GLIS3: variants seen among roughly 807,000 people sequenced by gnomAD.
GLIS3 encodes the protein GLIS family zinc finger 3.
In GLIS3, 53 loss-of-function variants were observed where a neutral mutation model predicts 78.6. The observed-to-expected ratio is 0.67, with a 90% CI of 0.54 to 0.85. The LOEUF (loss-of-function observed/expected upper bound fraction) is 0.85, where lower values mean the gene tolerates loss of function less well. Ranked by LOEUF, GLIS3 falls within the 40% of genes least tolerant of loss-of-function variation. The pLI, the probability that GLIS3 is intolerant of heterozygous loss-of-function variation, is 0.00. For missense variants in GLIS3, 1,703 were observed against 1,231.1 expected (o/e 1.38, Z -5.74); for synonymous variants, 684 against 509.9 (o/e 1.34, Z -4.60).
chr9:4,045,312 G>T (rs1011544651), intron 4 of GLIS3, among the ~76,000 whole-genome samples: 1 of 152,020 alleles, frequency 6.6e-6, no homozygotes, highest in Non-Finnish European at 1.5e-5. Context: ...GGAAGATGAA[G>T]TGTTCTGAAC....
At chr9:3,942,645 G>A (rs774850612) in intron 4 of GLIS3, among the ~76,000 whole-genome samples, 2 of 152,184 alleles carry the variant, frequency 1.3e-5, no homozygotes, top group East Asian at 1.9e-4. Context: ...TTTAGTTCTG[G>A]AAGCTTCTTT....
At chr9:4,175,586 G>A (rs141661744) in intron 2 of GLIS3, among the ~76,000 whole-genome samples, 1 of 152,102 alleles carries the variant, frequency 6.6e-6, no homozygotes, top group Non-Finnish European at 1.5e-5. Context: ...ACTGCCATTC[G>A]TTACTCTCCT....
chr9:4,053,705 T>TTAAAAAAAAAAA (rs1554682400), intron 4 of GLIS3, among the ~76,000 whole-genome samples: 17 of 91,148 alleles, frequency 1.9e-4, no homozygotes, highest in South Asian at 4.8e-4. Flanking sequence ...TCTTTCTTCA[T>TTAAAAAAAAAAA]AAAAAAAAAA....
intron 2 of GLIS3, among the ~76,000 whole-genome samples, chr9:4,193,748 G>A (rs1234690505): frequency 6.6e-6 from 1 of 152,232 alleles, no homozygotes; most frequent in Non-Finnish European, 1.5e-5. Flanking sequence ...GGATCTGTCT[G>A]TGCAGATGTC....
At chr9:4,192,678 T>C (rs1478808070) in intron 2 of GLIS3, among the ~76,000 whole-genome samples, 4 of 152,104 alleles carry the variant, frequency 2.6e-5, no homozygotes, top group Admixed American at 2.0e-4. Context: ...ATGAAGAGCC[T>C]ACTTTAGCAG....
intron 4 of GLIS3, among the ~76,000 whole-genome samples, chr9:3,964,451 A>C (rs1588330500): frequency 6.6e-6 from 1 of 152,350 alleles, no homozygotes; most frequent in East Asian, 1.9e-4. Context: ...AGAGAATTCT[A>C]CCTATCTGAA....
chr9:4,079,144 T>G (rs1200413931), intron 4 of GLIS3, among the ~76,000 whole-genome samples: 2 of 152,252 alleles, frequency 1.3e-5, no homozygotes, highest in African/African-American at 4.8e-5. Flanking sequence ...CCTTCTCTGA[T>G]TCCCTGAAAT....
chr9:4,128,456 C>T (rs1051353037), intron 2 of GLIS3, among the ~76,000 whole-genome samples: 3 of 152,188 alleles, frequency 2.0e-5, no homozygotes, highest in African/African-American at 7.2e-5. Flanking sequence ...GTCTAATGCA[C>T]ATTACATAAT....
At chr9:4,076,494 G>A (rs1030509501) in intron 4 of GLIS3, among the ~76,000 whole-genome samples, 1 of 152,138 alleles carries the variant, frequency 6.6e-6, no homozygotes, top group East Asian at 1.9e-4. Flanking sequence ...AAAGGAAAAT[G>A]TACTATAATT....
chr9:4,051,582 C>T (rs932843802), intron 4 of GLIS3, among the ~76,000 whole-genome samples: 1 of 152,030 alleles, frequency 6.6e-6, no homozygotes, highest in African/African-American at 2.4e-5. Flanking sequence ...TCATGTAATT[C>T]AAAGAAAGAA....
At chr9:4,441,869 T>A in the GLIS3 span, among the ~76,000 whole-genome samples, 12 of 152,342 alleles carry the variant, frequency 7.9e-5, no homozygotes, top group South Asian at 2.1e-3. Context: ...CCTCCCCAAG[T>A]GCTGGCATTA....
In GLIS3 at chr9:4,321,010, G is replaced by C. The variant is rs548175561; in HGVS notation, n.265-10482C>G. Among the ~76,000 whole-genome samples, 6 of 151,980 alleles carry C rather than the reference G, an allele frequency of 3.9e-5. No homozygotes were observed. In the East Asian group the frequency reaches 1.2e-3, roughly 29 times the overall value. On this transcript the variant is annotated intron_variant and non_coding_transcript_variant, in intron 2 of 4. Coordinates refer to the GLIS3 transcript ENST00000471664. The stretch of plus-strand genomic sequence containing the variant: ...TGAGAAGGCTGTAAGTCTCTGCTTG[G>C]TCTAGACCCCAGCCATTTCTGCAGC...
At position 3,829,491 on chromosome 9, in the gene GLIS3, T is replaced by C. The variant is rs1478131751; in HGVS notation, c.2475A>G (p.Gly825=). The C allele has an allele frequency of 6.2e-7, 1 of 1,613,910 alleles. No individual in the cohort carries two copies. Among genetic ancestry groups the C allele is most frequent in the Admixed American group, 1.7e-5 (1 of 60,002 alleles). The change falls in exon 10 of 11, where the codon GGA becomes GGG. Residue 825 remains glycine, a splice_region_variant and synonymous_variant. Coordinates refer to ENST00000381971, the MANE Select transcript of GLIS3 (RefSeq NM_001042413.2). ...AGAACTTCTGCAGCTGCCCATAAAA[T>C]CCTGAAACGCAAGCATGGCATTGAG... The part of the protein sequence containing the change: ...SFQPNGIHVH[G]FYGQLQKFCP...
At chr9:4,488,173 C>T in the GLIS3 span, among the ~76,000 whole-genome samples, 114,328 of 151,934 alleles carry the variant, frequency 0.75, 43,084 homozygotes, top group East Asian at 0.9. Context: ...CAGGCTGGTC[C>T]TAAACTCCTG....
At chr9:3,996,710 A>G (rs1191370849) in intron 4 of GLIS3, among the ~76,000 whole-genome samples, 2 of 152,212 alleles carry the variant, frequency 1.3e-5, no homozygotes, top group African/African-American at 2.4e-5. Context: ...ACTGAAAACA[A>G]AGACCCAACA....
In GLIS3 at chr9:4,118,022, T is replaced by C; in HGVS notation, c.1456A>G (p.Thr486Ala). The C allele has an allele frequency of 6.4e-7, 1 of 1,570,450 alleles. No individual in the cohort carries two copies. The highest frequency in any genetic ancestry group is 1.1e-5 in the South Asian group (1 of 89,606). The change falls in exon 4 of 11, where the codon ACC becomes GCC. Residue 486 changes from threonine (T) to alanine (A), a missense_variant. Transcript: ENST00000381971. The surrounding 1 kb of genome is among the most constrained non-coding windows in gnomAD (Gnocchi z 4.7). The part of the protein sequence containing the change: ...HAQQLALPQA[T>A]LDDDGEMDGI... ...TCCATCTCCCCGTCGTCGTCCAGGG[T>C]GGCCTGGGGCAAGGCCAGCTGCTGG...
At chr9:4,265,425 G>C (rs1294993419) in intron 2 of GLIS3, among the ~76,000 whole-genome samples, 1 of 143,124 alleles carries the variant, frequency 7.0e-6, no homozygotes, top group Non-Finnish European at 1.5e-5. Flanking sequence ...CTTGCTCAAG[G>C]TCCCAGAGCT....
chr9:4,357,130 T>C, the GLIS3 span, among the ~76,000 whole-genome samples: 200 of 152,346 alleles, frequency 1.3e-3, 1 homozygote, highest in Non-Finnish European at 2.2e-3. Flanking sequence ...TTGTTCTTAT[T>C]TAAAATCTTT....
chr9:3,993,780 T>C (rs1820519968), intron 4 of GLIS3, among the ~76,000 whole-genome samples: 1 of 152,272 alleles, frequency 6.6e-6, no homozygotes, highest in African/African-American at 2.4e-5. Flanking sequence ...AATATTGGCC[T>C]ACTGCTAGAT....
Sources: gnomAD v4.1 joint callset for allele counts (sites outside exome capture counted in the v4.1 genomes callset) on GRCh38, gnomAD v4.1.1 for gene constraint, Gnocchi (gnomAD v3.1) non-coding constraint, MANE v1.5 for transcripts, NCBI Gene and HGNC (gene_info 2026-07-23, HGNC 2026-07-21) for gene names.